Variants in PARD3B observed in about 807,000 individuals in gnomAD.
PARD3B encodes par-3 family cell polarity regulator beta.
PARD3B carries 103 observed loss-of-function variants against 130.2 expected under a neutral mutation model. The observed-to-expected ratio is 0.79, with a 90% CI of 0.67 to 0.93. PARD3B has a LOEUF of 0.93. Ranked by LOEUF, PARD3B falls within the 40% of genes least tolerant of loss-of-function variation. The pLI, the probability that PARD3B is intolerant of heterozygous loss-of-function variation, is 0.00. For missense variants in PARD3B, 1,609 were observed against 1,499.2 expected, an observed-to-expected ratio of 1.07 and a Z score of -1.21; for synonymous variants, 583 against 553.2, an observed-to-expected ratio of 1.05 and a Z score of -0.76.
intron 2 of PARD3B, among the ~76,000 whole-genome samples, chr2:204,755,390 T>A (rs1242096743): frequency 6.6e-6 from 1 of 152,124 alleles, no homozygotes; most frequent in Non-Finnish European, 1.5e-5. Context: ...ACCCTTCAGA[T>A]GTCATTTAGA....
chr2:205,013,072 G>A (rs1695851633), intron 3 of PARD3B, among the ~76,000 whole-genome samples: 1 of 152,128 alleles, frequency 6.6e-6, no homozygotes, highest in Non-Finnish European at 1.5e-5. Flanking sequence ...TTGCTCACAC[G>A]CTGTCCCTAC....
chr2:204,661,636 T>A (rs2035810966), intron 1 of PARD3B, among the ~76,000 whole-genome samples: 1 of 152,216 alleles, frequency 6.6e-6, no homozygotes, highest in African/African-American at 2.4e-5. Flanking sequence ...TGGCTTATAT[T>A]TATCAATATT....
chr2:205,013,102 T>C (rs2043458), intron 3 of PARD3B, among the ~76,000 whole-genome samples: 79,577 of 151,440 alleles, frequency 0.53, 21,282 homozygotes, highest in East Asian at 0.83. Flanking sequence ...CTAGAATCTT[T>C]CCTCTCCCTT....
intron 1 of PARD3B, among the ~76,000 whole-genome samples, chr2:204,605,475 A>T (rs2033679379): frequency 6.6e-6 from 1 of 152,158 alleles, no homozygotes; most frequent in Non-Finnish European, 1.5e-5. Context: ...CGTTTTATAT[A>T]TGGCACAAGT....
chr2:204,999,941 G>C (rs1261010523), intron 3 of PARD3B, among the ~76,000 whole-genome samples: 1 of 151,982 alleles, frequency 6.6e-6, no homozygotes, highest in Non-Finnish European at 1.5e-5. Context: ...ACGATACAAG[G>C]GTATTTCCAG....
At chr2:205,165,691 C>T (rs1445496302) in intron 11 of PARD3B, among the ~76,000 whole-genome samples, 4 of 150,860 alleles carry the variant, frequency 2.7e-5, no homozygotes, top group Admixed American at 6.6e-5. Context: ...GCACTCCAGC[C>T]GGAGCAACAA....
chr2:205,209,747 C>T (rs1357207772), intron 15 of PARD3B, among the ~76,000 whole-genome samples: 2 of 151,808 alleles, frequency 1.3e-5, no homozygotes, highest in African/African-American at 4.8e-5. Flanking sequence ...GGAGAGACAA[C>T]TATCTGATTT....
chr2:205,037,110 A>T (rs193110445), intron 3 of PARD3B, among the ~76,000 whole-genome samples: 1 of 131,384 alleles, frequency 7.6e-6, no homozygotes, highest in East Asian at 2.0e-4. Context: ...CGGACTGTAT[A>T]TATAAAACAA....
At chr2:204,801,508 T>TCCATTTG (rs2042568047) in intron 2 of PARD3B, among the ~76,000 whole-genome samples, 1 of 151,278 alleles carries the variant, frequency 6.6e-6, no homozygotes, top group Non-Finnish European at 1.5e-5. Flanking sequence ...TGATTTGGCT[T>TCCATTTG]TCTATTATTG....
intron 21 of PARD3B, among the ~76,000 whole-genome samples, chr2:205,518,076 G>A (rs955604292): frequency 4.6e-5 from 7 of 152,128 alleles, no homozygotes; most frequent in Non-Finnish European, 1.0e-4. Flanking sequence ...TGGGTGGAGA[G>A]TTGTATAGAG....
intron 2 of PARD3B, among the ~76,000 whole-genome samples, chr2:204,883,017 A>T (rs545985688): frequency 2.0e-5 from 3 of 152,298 alleles, no homozygotes; most frequent in African/African-American, 7.2e-5. Context: ...CTTGTAGTCT[A>T]TGTCTAGAAA....
chr2:204,565,996 A>G (rs571172364), intron 1 of PARD3B, among the ~76,000 whole-genome samples: 2 of 152,326 alleles, frequency 1.3e-5, no homozygotes, highest in South Asian at 4.1e-4. Context: ...TGCTTACATT[A>G]TTTTTTAACT....
chr2:205,298,088 T>C (rs911211012), intron 16 of PARD3B, among the ~76,000 whole-genome samples: 5 of 152,214 alleles, frequency 3.3e-5, no homozygotes, highest in African/African-American at 1.2e-4. Flanking sequence ...CTGGAATTTA[T>C]TGCTAAACGT....
chr2:205,595,006 C>G (rs1168516479), intron 22 of PARD3B, among the ~76,000 whole-genome samples: 1 of 152,206 alleles, frequency 6.6e-6, no homozygotes, highest in East Asian at 1.9e-4. Flanking sequence ...ATGATTGGTC[C>G]TTTTGTTTGT....
At chr2:205,424,613 TG>T (rs1182646106) in intron 19 of PARD3B, among the ~76,000 whole-genome samples, 1 of 152,064 alleles carries the variant, frequency 6.6e-6, no homozygotes, top group Non-Finnish European at 1.5e-5. Flanking sequence ...GGTGACAGAA[TG>T]GAAAGAAAAG....
rs538170377 is a variant in PARD3B at position 205,561,543 on chromosome 2, T to A, written c.3260+8140T>A. Among the ~76,000 whole-genome samples, 5 of 152,326 alleles carry A rather than the reference T, an allele frequency of 3.3e-5. No individual in the cohort carries two copies. The South Asian group carries it at 1.0e-3, about 32-fold the overall frequency. ...GACAAGGCCAGCTTGTCAAATAAGA[T>A]GCTTCATGAGCATATATGTACTGCT... is the stretch of plus-strand genomic sequence containing the variant. On this transcript the variant is annotated intron_variant, in intron 22 of 22. Transcript: ENST00000406610.
At chr2:205,148,136 A>G (rs193078183) in intron 10 of PARD3B, among the ~76,000 whole-genome samples, 4 of 152,050 alleles carry the variant, frequency 2.6e-5, no homozygotes, top group Non-Finnish European at 5.9e-5. Flanking sequence ...TATATATTCT[A>G]TTTTCTATCT....
chr2:205,238,872 A>ATG (rs1559574977), intron 15 of PARD3B, among the ~76,000 whole-genome samples: 2 of 98,368 alleles, frequency 2.0e-5, no homozygotes, highest in Non-Finnish European at 3.8e-5. Flanking sequence ...ATATATATAT[A>ATG]TATATGTATG....
intron 21 of PARD3B, among the ~76,000 whole-genome samples, chr2:205,505,870 C>T (rs1015945416): frequency 1.3e-5 from 2 of 152,000 alleles, no homozygotes; most frequent in African/African-American, 4.8e-5. Context: ...TATCCCCCCG[C>T]CCAACCTTTT....
Sources: gnomAD v4.1 joint callset for allele counts (sites outside exome capture counted in the v4.1 genomes callset) on GRCh38, gnomAD v4.1.1 for gene constraint, MANE v1.5 for transcripts, NCBI Gene and HGNC (gene_info 2026-07-23, HGNC 2026-07-21) for gene names.